CSGALNACT1: variants seen among roughly 807,000 people sequenced by gnomAD.
CSGALNACT1 encodes beta4GalNAcT-1.
In CSGALNACT1, 52 loss-of-function variants were observed where a neutral mutation model predicts 51.0. The observed-to-expected ratio is 1.02, with a 90% CI of 0.82 to 1.29. The LOEUF is 1.29. CSGALNACT1 is among the 50% of genes most tolerant of loss of function. The pLI is 0.00. For synonymous variants in CSGALNACT1, 341 were observed against 254.4 expected, an observed-to-expected ratio of 1.34 and a Z score of -3.24; for missense variants, 935 against 679.2, an observed-to-expected ratio of 1.38 and a Z score of -4.19.
chr8:19,458,533 G>A (rs765463132), exon 5 of CSGALNACT1: 1 of 1,614,148 alleles, frequency 6.2e-7, no homozygotes, highest in South Asian at 1.1e-5. Flanking sequence ...TCACTTTCAT[G>A]ATGGGGCCGA....
intron 5 of CSGALNACT1, among the ~76,000 whole-genome samples, chr8:19,445,897 G>C (rs984629285): frequency 6.6e-6 from 1 of 152,176 alleles, no homozygotes; most frequent in Non-Finnish European, 1.5e-5. Context: ...AAAGTAAGCT[G>C]GGCGTGGTGG....
At chr8:19,703,865 C>T (rs191781857) in intron 1 of CSGALNACT1, among the ~76,000 whole-genome samples, 318 of 152,222 alleles carry the variant, frequency 2.1e-3, no homozygotes, top group African/African-American at 7.4e-3. Context: ...AGGAAACTGC[C>T]CATGCACTGG....
chr8:19,587,958 A>C (rs2047005558), intron 3 of CSGALNACT1: 1 of 152,190 alleles, frequency 6.6e-6, no homozygotes, highest in African/African-American at 2.4e-5. Context: ...TGGGAGGCTG[A>C]GGTGGGCAGA....
intron 3 of CSGALNACT1, among the ~76,000 whole-genome samples, chr8:19,521,740 A>G (rs568889821): frequency 2.6e-5 from 4 of 152,338 alleles, no homozygotes; most frequent in African/African-American, 9.6e-5. Context: ...CCACTGAAAA[A>G]TAACACACAC....
intron 1 of CSGALNACT1, among the ~76,000 whole-genome samples, chr8:19,608,389 C>T (rs1276117127): frequency 6.6e-6 from 1 of 152,196 alleles, no homozygotes; most frequent in African/African-American, 2.4e-5. Flanking sequence ...AGTCCCGGTT[C>T]TGCCATGAAA....
intron 4 of CSGALNACT1, among the ~76,000 whole-genome samples, chr8:19,484,281 C>T (rs939244924): frequency 2.0e-5 from 3 of 148,816 alleles, no homozygotes; most frequent in African/African-American, 7.5e-5. Context: ...AAAAAAATCA[C>T]ATGCTGCAGT....
intron 1 of CSGALNACT1, among the ~76,000 whole-genome samples, chr8:19,722,574 G>A (rs1034216958): frequency 2.0e-5 from 3 of 152,288 alleles, no homozygotes; most frequent in African/African-American, 7.2e-5. Context: ...AGGGTCATGG[G>A]TGGTTACTGG....
chr8:19,533,493 A>G (rs17128582), intron 3 of CSGALNACT1, among the ~76,000 whole-genome samples: 8,745 of 152,120 alleles, frequency 0.057, 781 homozygotes, highest in African/African-American at 0.19. Context: ...CTCTTCCAAG[A>G]CTTATCAATA....
intron 1 of CSGALNACT1, among the ~76,000 whole-genome samples, chr8:19,619,801 G>A (rs1008876578): frequency 6.6e-6 from 1 of 152,136 alleles, no homozygotes; most frequent in African/African-American, 2.4e-5. Flanking sequence ...GGAGGCAGAG[G>A]CCAGGGAAGT....
intron 1 of CSGALNACT1, among the ~76,000 whole-genome samples, chr8:19,698,799 T>C (rs1391970144): frequency 1.3e-5 from 2 of 152,180 alleles, no homozygotes; most frequent in East Asian, 1.9e-4. Context: ...TACCATATGA[T>C]CCAGCAATTT....
chr8:19,478,957 C>G (rs1156747300), intron 4 of CSGALNACT1, among the ~76,000 whole-genome samples: 1 of 152,096 alleles, frequency 6.6e-6, no homozygotes, highest in Non-Finnish European at 1.5e-5. Flanking sequence ...ATCCAACATG[C>G]AGAAGAAATA....
intron 1 of CSGALNACT1, among the ~76,000 whole-genome samples, chr8:19,645,573 G>A (rs1376354911): frequency 6.6e-6 from 1 of 152,208 alleles, no homozygotes; most frequent in Non-Finnish European, 1.5e-5. Flanking sequence ...TCGAAGGGTG[G>A]GCGTAAGGTT....
chr8:19,648,457 A>T (rs551666401), intron 1 of CSGALNACT1, among the ~76,000 whole-genome samples: 4 of 152,214 alleles, frequency 2.6e-5, no homozygotes, highest in Non-Finnish European at 5.9e-5. Context: ...TCCTTTACAG[A>T]TACATCTCCA....
At chr8:19,640,037 T>C (rs2056555874) in intron 1 of CSGALNACT1, among the ~76,000 whole-genome samples, 1 of 151,882 alleles carries the variant, frequency 6.6e-6, no homozygotes, top group African/African-American at 2.4e-5. Flanking sequence ...CGCACCACCA[T>C]GCCCATTCAA....
At chr8:19,529,802 C>T (rs894716502) in intron 3 of CSGALNACT1, among the ~76,000 whole-genome samples, 10 of 152,184 alleles carry the variant, frequency 6.6e-5, no homozygotes, top group Admixed American at 2.0e-4. Flanking sequence ...CTAAGCACAT[C>T]CTCCTGTATA....
intron 4 of CSGALNACT1, among the ~76,000 whole-genome samples, chr8:19,460,919 G>C (rs2065222572): frequency 1.3e-5 from 2 of 152,028 alleles, no homozygotes; most frequent in African/African-American, 4.8e-5. Context: ...AGAGGAGTGT[G>C]GTCCTGTGAG....
intron 1 of CSGALNACT1, among the ~76,000 whole-genome samples, chr8:19,664,959 G>T (rs988477613): frequency 3.3e-5 from 5 of 152,176 alleles, no homozygotes; most frequent in East Asian, 3.9e-4. Flanking sequence ...GATGGCTACA[G>T]TAAAAGTACA....
At chr8:19,439,806 A>G in intron 6 of CSGALNACT1, 24 bp downstream of exon 5, 4 of 1,576,356 alleles carry the variant, frequency 2.5e-6, no homozygotes, top group Non-Finnish European at 2.6e-6. Flanking sequence ...AGGATTCCTT[A>G]TGACAGCTCC....
At chr8:19,583,447 A>T (rs1178536667) in intron 3 of CSGALNACT1, among the ~76,000 whole-genome samples, 1 of 152,170 alleles carries the variant, frequency 6.6e-6, no homozygotes, top group Non-Finnish European at 1.5e-5. Flanking sequence ...AAAAATCCTA[A>T]GCTGCATTGG....
Sources: allele counts gnomAD v4.1 joint callset (sites outside exome capture counted in the v4.1 genomes callset), GRCh38; gene constraint gnomAD v4.1.1; transcripts MANE v1.5; gene names NCBI Gene and HGNC (gene_info 2026-07-23, HGNC 2026-07-21).